Variants in SYT7 observed in about 807,000 individuals in gnomAD.
The protein encoded by SYT7 is synaptotagmin 7.
SYT7 carries 29 observed loss-of-function variants against 75.1 expected under a neutral mutation model. The ratio of observed to expected loss-of-function variants is 0.39; its 90% CI spans 0.29 to 0.53. The LOEUF is 0.53. Among genes scored for constraint, SYT7 ranks in the 20% least tolerant of loss-of-function variants. SYT7 has a pLI of 0.77. For synonymous variants in SYT7, 376 were observed against 401.7 expected (o/e 0.94, Z 0.76); for missense variants, 693 against 953.2 (o/e 0.73, Z 3.59).
At position 61,551,023 on chromosome 11, in the gene SYT7, G is replaced by A. The variant is rs773143360; in HGVS notation, c.215+361C>T. ...GGGCCTCCCCGGCCTAGCAGCAGGG[G>A]CCCCATGAGAGGGGCTTGGAGGTCC... On this transcript the variant is annotated intron_variant, in intron 3 of 12. Transcript: ENST00000539008. This position sits in a 1 kb window ranked among gnomAD's most constrained non-coding sequence, Gnocchi z 5.3. Among the ~76,000 whole-genome samples, 22 of 152,308 alleles carry A rather than the reference G, an allele frequency of 1.4e-4. No homozygotes were observed. The highest frequency in any genetic ancestry group is 2.5e-4 in the Non-Finnish European group (17 of 68,014).
chr11:61,558,887 C>A (rs1025009856), intron 1 of SYT7, among the ~76,000 whole-genome samples: 1 of 152,180 alleles, frequency 6.6e-6, no homozygotes, highest in African/African-American at 2.4e-5. Flanking sequence ...GGATAACAGG[C>A]ACCCAACACC....
rs748321654 is a variant in SYT7, at chr11:61,535,494, T to C, written c.1065-2370A>G. 1.8e-4 allele frequency among the ~76,000 whole-genome samples: 28 copies of C among 152,228 alleles called. No individual in the cohort carries two copies. In the Middle Eastern group the frequency reaches 0.017, roughly 92 times the overall value. On this transcript the variant is annotated intron_variant, in intron 7 of 12. Transcript: ENST00000539008. Reference sequence around the variant, plus strand: ...AGGGGGTGGACACGAGCAGAGTGGCTGAGGGTGGAATGGGCGCAGCAGGGC... The same window carrying C: ...AGGGGGTGGACACGAGCAGAGTGGCCGAGGGTGGAATGGGCGCAGCAGGGC...
intron 1 of SYT7, among the ~76,000 whole-genome samples, chr11:61,565,501 T>C (rs544159513): frequency 1.3e-5 from 2 of 152,298 alleles, no homozygotes; most frequent in East Asian, 3.9e-4. Flanking sequence ...TTTCCTGACC[T>C]CTTTCCACTG....
intron 1 of SYT7, among the ~76,000 whole-genome samples, chr11:61,579,334 G>A (rs1590968754): frequency 6.6e-6 from 1 of 152,222 alleles, no homozygotes; most frequent in African/African-American, 2.4e-5. Flanking sequence ...CAGGGTAGGT[G>A]ACCTAGGTCC....
chr11:61,560,596 T>C (rs191561806), intron 1 of SYT7, among the ~76,000 whole-genome samples: 21 of 152,228 alleles, frequency 1.4e-4, no homozygotes, highest in Admixed American at 3.9e-4. Flanking sequence ...GCAAATTGCA[T>C]TGATGTTGTG....
chr11:61,542,523 G>A lies in SYT7; in HGVS notation c.629C>T (p.Thr210Met), dbSNP rs1413454984. Residue 210 changes from threonine (T) to methionine (M), a missense_variant, in exon 6 of 13, where the codon ACG becomes ATG. Around this residue, in one of 2 missense-constraint regions of SYT7, gnomAD observed 487 missense variants for 593.2 expected, o/e 0.82. Transcript: ENST00000539008. This position sits in a 1 kb window ranked among gnomAD's most constrained non-coding sequence, Gnocchi z 7.8. ...ATTLESIPSS[T>M]GEPKCQRPRT... ...GGGTCGCTGGCATTTCGGCTCTCCC[G>A]TGGAGCTGGGGATAGACTCAAGGGT... The A allele has an allele frequency of 1.4e-5, 22 of 1,531,234 alleles. No homozygotes were observed. The highest frequency in any genetic ancestry group is 2.0e-5 in the Admixed American group (1 of 50,836). The allele number at this position is 1,531,234 out of a possible 1,614,324, so 94.9% of individuals were successfully genotyped here. A position where few individuals can be genotyped will look rare whatever the true frequency, so the allele number is the denominator to read the frequency against.
chr11:61,542,583 G>T lies in SYT7; in HGVS notation c.573-4C>A. On this transcript the variant is annotated splice_polypyrimidine_tract_variant and splice_region_variant and intron_variant, in intron 5 of 12. Transcript: ENST00000539008. This position sits in a 1 kb window ranked among gnomAD's most constrained non-coding sequence, Gnocchi z 7.8. ...GGACAGGGTGGAGTCCTCGAAACTT[G>T]GGGCAGGTGGAGGAGAGGAGAGAAA... The T allele has an allele frequency of 6.7e-7, 1 of 1,488,274 alleles. No homozygotes were observed. The highest frequency in any genetic ancestry group is 8.9e-7 in the Non-Finnish European group (1 of 1,122,004). The allele number at this position is 1,488,274 out of a possible 1,614,324, so 92.2% of individuals were successfully genotyped here. A position where few individuals can be genotyped will look rare whatever the true frequency, so the allele number is the denominator to read the frequency against.
intron 5 of SYT7, among the ~76,000 whole-genome samples, chr11:61,543,544 A>C (rs1047601157): frequency 2.0e-5 from 3 of 152,208 alleles, no homozygotes; most frequent in African/African-American, 7.2e-5. Flanking sequence ...GCCACTTACT[A>C]AATATGGGAC....
chr11:61,514,193 T>C lies in SYT7; in HGVS notation c.*4434A>G, dbSNP rs555769372. Among the ~76,000 whole-genome samples, 3 of 152,304 alleles carry C rather than the reference T, an allele frequency of 2.0e-5. No individual in the cohort carries two copies. The South Asian group carries it at 6.2e-4, about 32-fold the overall frequency. On this transcript the variant is annotated 3_prime_UTR_variant, in exon 13 of 13. Coordinates refer to ENST00000539008, the MANE Select transcript of SYT7 (RefSeq NM_001365809.2). Reference sequence around the variant, plus strand: ...TGCCCCCTGTGCTGGGCCTGAGCTGTCTCTGACTTCAGGCTCAGTTTTCCA... The same window carrying C: ...TGCCCCCTGTGCTGGGCCTGAGCTGCCTCTGACTTCAGGCTCAGTTTTCCA...
intron 1 of SYT7, among the ~76,000 whole-genome samples, chr11:61,579,548 C>T (rs1327640444): frequency 1.3e-5 from 2 of 152,048 alleles, no homozygotes; most frequent in African/African-American, 4.8e-5. Context: ...GGGTGGGAGC[C>T]GATTCCTCAG....
Position 61,538,793 on chromosome 11 carries a change from A to AC in SYT7, c.942-528dup, listed in dbSNP as rs1286048658. The stretch of plus-strand genomic sequence containing the variant: ...GGCTCCGTCACTATCCTGCACCGGC[A>AC]CCGCGCAGGCTTTGAAAGTTTCGAA... On this transcript the variant is annotated intron_variant, in intron 6 of 12. Transcript: ENST00000539008. 7.9e-5 allele frequency among the ~76,000 whole-genome samples: 12 copies of AC among 152,184 alleles called. 1 individual carries two copies. The South Asian group carries it at 1.7e-3, about 21-fold the overall frequency.
rs548801395 is a variant in SYT7 at position 61,551,793 on chromosome 11, C to T, written c.136-330G>A. Among the ~76,000 whole-genome samples the T allele has an allele frequency of 5.3e-5, 8 of 152,278 alleles. 1 individual carries two copies. Among genetic ancestry groups the T allele is most frequent in the Admixed American group, 2.6e-4 (4 of 15,306 alleles). On this transcript the variant is annotated intron_variant, in intron 2 of 12. Transcript: ENST00000539008. The surrounding 1 kb of genome is among the most constrained non-coding windows in gnomAD (Gnocchi z 5.3). ...CCCAGAAACACAGTTCCCTCTGCCACGGACAGACGGCTCTCAGGCGCCTGG... is the reference window on the plus strand; with the variant it reads ...CCCAGAAACACAGTTCCCTCTGCCATGGACAGACGGCTCTCAGGCGCCTGG...
rs56692791 is a variant in SYT7, at chr11:61,522,421, C to T, written c.1956+654G>A. Among the ~76,000 whole-genome samples the T allele has an allele frequency of 4.1e-3, 625 of 152,060 alleles. 4 individuals are homozygous for T. The highest frequency in any genetic ancestry group is 0.014 in the African/African-American group (597 of 41,458). On this transcript the variant is annotated intron_variant, in intron 12 of 12. Coordinates refer to ENST00000539008, the MANE Select transcript of SYT7 (RefSeq NM_001365809.2). The stretch of plus-strand genomic sequence containing the variant: ...GCCAGGCTGGTCTCAAACTCCCGAC[C>T]GCAGATGATCCACCCGTCTTGGCCT...
At chr11:61,538,380 AGAGAGAGAAAG>A in intron 6 of SYT7, 114 bp from the exon 7 acceptor site, 3 of 831,708 alleles carry the variant, frequency 3.6e-6, no homozygotes, top group Non-Finnish European at 3.6e-6. Context: ...AGAGAGAGAG[AGAGAGAGAAAG>A]AGAGAGAGAG....
Position 61,580,991 on chromosome 11 carries a change from A to T in SYT7, c.-171T>A. 1 of 948,514 alleles carries T rather than the reference A, an allele frequency of 1.1e-6. No individual in the cohort carries two copies. Among genetic ancestry groups the T allele is most frequent in the Non-Finnish European group, 1.3e-6 (1 of 799,684 alleles). The allele number at this position is 948,514 out of a possible 1,614,324, so 58.8% of individuals were successfully genotyped here. ...AGCCGGGGAGCGGGGGCCGCCCGCC[A>T]GCCCTCCCGCCCGCCCGCGGAGCAC... On this transcript the variant is annotated 5_prime_UTR_variant, in exon 1 of 13. Transcript: ENST00000539008. This position sits in a 1 kb window ranked among gnomAD's most constrained non-coding sequence, Gnocchi z 6.1.
chr11:61,519,747 G>A (rs1426340966), intron 12 of SYT7, among the ~76,000 whole-genome samples: 1 of 152,242 alleles, frequency 6.6e-6, no homozygotes, highest in Non-Finnish European at 1.5e-5. Flanking sequence ...GTAAGGGGTA[G>A]ATGGGAACTC....
intron 8 of SYT7, 53 bp from the exon 9 acceptor site, chr11:61,528,238 T>A (rs2062589720): frequency 1.3e-6 from 2 of 1,585,192 alleles, no homozygotes; most frequent in Non-Finnish European, 1.7e-6. Context: ...GCTTCCCCCA[T>A]GTCCCCACCG....
At chr11:61,577,545 C>T (rs542748851) in intron 1 of SYT7, among the ~76,000 whole-genome samples, 5 of 152,328 alleles carry the variant, frequency 3.3e-5, no homozygotes, top group East Asian at 3.9e-4. Flanking sequence ...CTCCCTCACC[C>T]GCCATCAGCC....
chr11:61,548,564 G>C (rs2063256709), intron 3 of SYT7, among the ~76,000 whole-genome samples: 1 of 152,194 alleles, frequency 6.6e-6, no homozygotes, highest in Non-Finnish European at 1.5e-5. Flanking sequence ...TGTTTCTAGG[G>C]AAGGGGCCCC....
Sources: allele counts gnomAD v4.1 joint callset (sites outside exome capture counted in the v4.1 genomes callset), GRCh38; gene constraint gnomAD v4.1.1; regional missense constraint gnomAD v4.1.1; non-coding constraint Gnocchi (gnomAD v3.1); transcripts MANE v1.5; gene names NCBI Gene and HGNC (gene_info 2026-07-23, HGNC 2026-07-21).